The following RBMS2 variants were observed in gnomAD, a reference collection of about 807,000 sequenced individuals.
RBMS2 encodes the protein RNA binding motif single stranded interacting protein 2, also known as RNA-binding motif, single-stranded-interacting protein 2.
Under a neutral mutation model 58.4 loss-of-function variants are expected in RBMS2, and 38 were observed. The ratio of observed to expected loss-of-function variants is 0.65; its 90% confidence interval spans 0.50 to 0.85. The LOEUF (loss-of-function observed/expected upper bound fraction) is 0.85, where lower values mean the gene tolerates loss of function less well. Ranked by LOEUF, RBMS2 falls within the 40% of genes least tolerant of loss-of-function variation. The probability of loss-of-function intolerance (pLI) is 0.00; values close to 1 mark genes in which losing one functional copy is unlikely to be tolerated. For synonymous variants in RBMS2, 151 were observed against 180.7 expected, an observed-to-expected ratio of 0.84 and a Z score of 1.32; for missense variants, 367 against 503.7, an observed-to-expected ratio of 0.73 and a Z score of 2.60.
At chr12:56,530,850 T>G (rs150166831) in intron 1 of RBMS2, among the ~76,000 whole-genome samples, 1 of 152,306 alleles carries the variant, frequency 6.6e-6, no homozygotes, top group African/African-American at 2.4e-5. Flanking sequence ...GAATGGCCTT[T>G]CGTTTCATTT....
chr12:56,565,023 A>G (rs1411942228), intron 2 of RBMS2, among the ~76,000 whole-genome samples: 1 of 152,210 alleles, frequency 6.6e-6, no homozygotes, highest in African/African-American at 2.4e-5. Flanking sequence ...AAATAATAAA[A>G]ATAAAATAAA....
chr12:56,550,042 T>C (rs1325994149), intron 1 of RBMS2, among the ~76,000 whole-genome samples: 2 of 151,774 alleles, frequency 1.3e-5, no homozygotes, highest in Non-Finnish European at 2.9e-5. Context: ...AAAAAGAAAA[T>C]GAAGAGCCAG....
At chr12:56,522,937 G>A (rs1360831345) in intron 1 of RBMS2, among the ~76,000 whole-genome samples, 2 of 152,136 alleles carry the variant, frequency 1.3e-5, no homozygotes, top group African/African-American at 4.8e-5. Flanking sequence ...CCCTCTCTTT[G>A]TGTTGTAGCT....
chr12:56,547,269 C>A (rs1279420186), intron 1 of RBMS2, among the ~76,000 whole-genome samples: 1 of 151,888 alleles, frequency 6.6e-6, no homozygotes. Context: ...GCAGTAGAAT[C>A]GCTTGAACCT....
In RBMS2 at chr12:56,522,033, T is replaced by TC. The variant is rs2136217279; in HGVS notation, c.12dup (p.Val5ArgfsTer14). 3 of 1,522,514 alleles carry TC rather than the reference T, an allele frequency of 2.0e-6. No homozygotes were observed. In the Admixed American group the frequency reaches 5.2e-5, roughly 27 times the overall value. 94.3% of individuals were successfully genotyped at this position (1,522,514 alleles called of 1,614,324 possible). A position where few individuals can be genotyped will look rare whatever the true frequency, so the allele number is the denominator to read the frequency against. ...TAACATTAAAGAGAAAATGCTGCTA[T>TC]CCGTGACTTCCAGGCCCGGGATTTC... is the stretch of plus-strand genomic sequence containing the variant. On this transcript the variant is annotated frameshift_variant, in exon 1 of 14. Transcript: ENST00000262031. LOFTEE classifies it high-confidence loss of function.
At chr12:56,573,197 C>T (rs1021507857) in intron 5 of RBMS2, 6 of 982,232 alleles carry the variant, frequency 6.1e-6, no homozygotes, top group Non-Finnish European at 7.3e-6. Flanking sequence ...TTTCTCTTGG[C>T]TGGGCGTGGT....
Position 56,588,934 on chromosome 12 carries a change from G to C in RBMS2, c.1146G>C (p.Glu382Asp), listed in dbSNP as rs1592521468. Residue 382 changes from glutamate to aspartate, a missense_variant and splice_region_variant, in exon 13 of 14, where the codon GAG (glutamate) becomes GAC (aspartate). Transcript: ENST00000262031. Reference protein sequence around the residue: ...PVPSSSVSVEESSGQQNQVAV... With the variant: ...PVPSSSVSVEDSSGQQNQVAV... ...CCCCCTCCTTGGCTATGGCACAGGA[G>C]AGCAGCGGCCAACAGAACCAAGTGG... 6 of 1,614,190 alleles carry C rather than the reference G, an allele frequency of 3.7e-6. No individual in the cohort carries two copies. Among genetic ancestry groups the C allele is most frequent in the Non-Finnish European group, 4.2e-6 (5 of 1,180,020 alleles).
intron 9 of RBMS2, among the ~76,000 whole-genome samples, chr12:56,583,226 T>A (rs1884220537): frequency 6.6e-6 from 1 of 152,214 alleles, no homozygotes; most frequent in Non-Finnish European, 1.5e-5. Flanking sequence ...CTAGGTTGAA[T>A]GCTATATGGA....
chr12:56,574,373 A>G (rs1882807522), intron 5 of RBMS2, among the ~76,000 whole-genome samples: 1 of 152,134 alleles, frequency 6.6e-6, no homozygotes, highest in Non-Finnish European at 1.5e-5. Context: ...CTACACACTC[A>G]TTTCCTGTTA....
chr12:56,547,082 G>A (rs529321081), intron 1 of RBMS2, among the ~76,000 whole-genome samples: 45 of 152,222 alleles, frequency 3.0e-4, no homozygotes, highest in African/African-American at 1.0e-3. Flanking sequence ...GGGTGCGGTG[G>A]CTCACACCTG....
At chr12:56,566,732 C>A (rs952687671) in intron 2 of RBMS2, among the ~76,000 whole-genome samples, 2 of 152,072 alleles carry the variant, frequency 1.3e-5, no homozygotes, top group African/African-American at 4.8e-5. Context: ...GCAGGAGAAT[C>A]GCTTGAACCC....
chr12:56,563,792 T>G (rs1429522555), intron 2 of RBMS2, among the ~76,000 whole-genome samples: 2 of 151,586 alleles, frequency 1.3e-5, no homozygotes, highest in Non-Finnish European at 2.9e-5. Flanking sequence ...ATAGTAAAAA[T>G]ATATATTAAA....
intron 1 of RBMS2, among the ~76,000 whole-genome samples, chr12:56,555,146 C>T (rs750728788): frequency 2.0e-5 from 3 of 151,700 alleles, no homozygotes; most frequent in Non-Finnish European, 2.9e-5. Context: ...TGGCCCTCAA[C>T]ATCTTGAGGA....
chr12:56,570,298 C>A (rs1035492549), intron 4 of RBMS2, among the ~76,000 whole-genome samples: 1 of 152,184 alleles, frequency 6.6e-6, no homozygotes, highest in African/African-American at 2.4e-5. Flanking sequence ...GGCCCCACTT[C>A]CCTACCAGAC....
Position 56,588,960 on chromosome 12 carries a change from C to T in RBMS2, c.1172C>T (p.Ala391Val). Reference protein sequence around the residue: ...EESSGQQNQVAVDAPSEHGVY... With the variant: ...EESSGQQNQVVVDAPSEHGVY... ...AGCAGCGGCCAACAGAACCAAGTGG[C>T]AGTGGACGCACCCTCAGAGCATGGG... Residue 391 changes from alanine to valine, a missense_variant, in exon 13 of 14, where the codon GCA becomes GTA. Ala to Val is a moderately conservative substitution (Grantham distance 64, BLOSUM62 0). Around this residue, in one of 3 missense-constraint regions of RBMS2, gnomAD observed 220 missense variants for 261.1 expected, o/e 0.84. Transcript: ENST00000262031. 2 of 1,614,202 alleles carry T rather than the reference C, an allele frequency of 1.2e-6. No individual in the cohort carries two copies. The highest frequency in any genetic ancestry group is 1.7e-6 in the Non-Finnish European group (2 of 1,180,042).
chr12:56,537,076 AC>A, intron 1 of RBMS2, among the ~76,000 whole-genome samples: 1 of 151,602 alleles, frequency 6.6e-6, no homozygotes, highest in Non-Finnish European at 1.5e-5. Flanking sequence ...ACCTGCCATC[AC>A]ACCTGGCTAA....
At chr12:56,548,091 A>G (rs902479734) in intron 1 of RBMS2, among the ~76,000 whole-genome samples, 1 of 152,174 alleles carries the variant, frequency 6.6e-6, no homozygotes, top group Admixed American at 6.6e-5. Context: ...CGTCACTCAT[A>G]CACCATTCAT....
intron 1 of RBMS2, among the ~76,000 whole-genome samples, chr12:56,548,685 A>G (rs1483499176): frequency 6.6e-6 from 1 of 152,184 alleles, no homozygotes; most frequent in East Asian, 1.9e-4. Flanking sequence ...TTCCCGTTGC[A>G]TTAGGAATTT....
intron 1 of RBMS2, among the ~76,000 whole-genome samples, chr12:56,541,766 A>C (rs1397178937): frequency 6.6e-6 from 1 of 152,200 alleles, no homozygotes; most frequent in Non-Finnish European, 1.5e-5. Flanking sequence ...AGAGTAGCAA[A>C]GCTGAGTGTA....
Sources: allele counts gnomAD v4.1 joint callset (sites outside exome capture counted in the v4.1 genomes callset), GRCh38; gene constraint gnomAD v4.1.1; regional missense constraint gnomAD v4.1.1; transcripts MANE v1.5; gene names NCBI Gene and HGNC (gene_info 2026-07-23, HGNC 2026-07-21).